Variants in ZNF804B observed in about 807,000 individuals in gnomAD.
The protein encoded by ZNF804B is zinc finger protein 804B, also known as zinc finger 804B.
ZNF804B carries 80 observed loss-of-function variants against 101.4 expected under a neutral mutation model. The ratio of observed to expected loss-of-function variants is 0.79; its 90% CI spans 0.66 to 0.95. ZNF804B has a LOEUF of 0.95. Ranked by LOEUF, ZNF804B falls within the 40% of genes least tolerant of loss-of-function variation. The probability of loss-of-function intolerance (pLI) is 0.00; values close to 1 mark genes in which losing one functional copy is unlikely to be tolerated. For missense variants in ZNF804B, 1,673 were observed against 1,561.9 expected (o/e 1.07, Z -1.20); for synonymous variants, 622 against 558.8 (o/e 1.11, Z -1.59).
intron 1 of ZNF804B, among the ~76,000 whole-genome samples, chr7:88,931,828 AAC>A (rs1792891272): frequency 6.6e-6 from 1 of 151,832 alleles, no homozygotes; most frequent in Non-Finnish European, 1.5e-5. Flanking sequence ...TTTTTTAAAA[AAC>A]TTCAAAACAC....
At chr7:88,946,335 C>T (rs1303812799) in intron 1 of ZNF804B, among the ~76,000 whole-genome samples, 1 of 151,814 alleles carries the variant, frequency 6.6e-6, no homozygotes, top group Non-Finnish European at 1.5e-5. Context: ...GCCTTTTCTG[C>T]ATCTATTTAG....
chr7:88,811,645 A>C (rs925243010), intron 1 of ZNF804B, among the ~76,000 whole-genome samples: 2 of 152,232 alleles, frequency 1.3e-5, no homozygotes, highest in Non-Finnish European at 2.9e-5. Flanking sequence ...TGCAGCTATA[A>C]AAAAGAATGA....
chr7:89,032,233 G>T (rs1273009409), intron 1 of ZNF804B, among the ~76,000 whole-genome samples: 2 of 138,176 alleles, frequency 1.4e-5, no homozygotes, highest in Admixed American at 7.2e-5. Context: ...GACCAGAAAT[G>T]GTTTCAAATT....
chr7:89,129,681 A>G (rs1483698978), intron 1 of ZNF804B, among the ~76,000 whole-genome samples: 1 of 151,992 alleles, frequency 6.6e-6, no homozygotes, highest in African/African-American at 2.4e-5. Flanking sequence ...ATTATTTACT[A>G]TTATTTCCAT....
chr7:89,096,188 G>A (rs1411986384), intron 1 of ZNF804B, among the ~76,000 whole-genome samples: 1 of 150,988 alleles, frequency 6.6e-6, no homozygotes, highest in East Asian at 1.9e-4. Flanking sequence ...CAGTACCTCA[G>A]CAGATGAGAA....
chr7:89,268,744 A>G (rs1374569184), intron 2 of ZNF804B, among the ~76,000 whole-genome samples: 1 of 152,028 alleles, frequency 6.6e-6, no homozygotes, highest in Non-Finnish European at 1.5e-5. Flanking sequence ...GGGGCAAGAG[A>G]TTCACTTCAC....
At chr7:88,794,849 G>T (rs376516144) in intron 1 of ZNF804B, 4 of 1,613,384 alleles carry the variant, frequency 2.5e-6, no homozygotes, top group Non-Finnish European at 3.4e-6. Context: ...TCTTGAAAGT[G>T]CAGGTAATTG....
intron 1 of ZNF804B, among the ~76,000 whole-genome samples, chr7:88,954,219 T>C (rs1793268027): frequency 6.6e-6 from 1 of 151,784 alleles, no homozygotes; most frequent in Non-Finnish European, 1.5e-5. Flanking sequence ...TGAATAAAGA[T>C]TGACTTTTTT....
intron 1 of ZNF804B, among the ~76,000 whole-genome samples, chr7:88,892,931 T>C (rs191137139): frequency 1.3e-5 from 2 of 152,314 alleles, no homozygotes; most frequent in African/African-American, 4.8e-5. Context: ...TCAGAAGTTC[T>C]TAGAGGAAAC....
At chr7:89,254,298 T>C (rs7794084) in intron 2 of ZNF804B, among the ~76,000 whole-genome samples, 18,517 of 151,880 alleles carry the variant, frequency 0.12, 1,212 homozygotes, top group Middle Eastern at 0.25. Flanking sequence ...AACCGCATTT[T>C]TAGATAACAG....
At chr7:88,786,791 T>C (rs1049229037) in intron 1 of ZNF804B, among the ~76,000 whole-genome samples, 1 of 152,174 alleles carries the variant, frequency 6.6e-6, no homozygotes, top group Non-Finnish European at 1.5e-5. Context: ...ATGGCCTGTT[T>C]ATGAGATTGC....
chr7:89,022,523 T>C (rs1788682995), intron 1 of ZNF804B, among the ~76,000 whole-genome samples: 1 of 152,196 alleles, frequency 6.6e-6, no homozygotes, highest in Admixed American at 6.6e-5. Flanking sequence ...AAATTGTTTA[T>C]GAAAATGTGA....
chr7:89,147,928 A>G (rs1291264358), intron 1 of ZNF804B, among the ~76,000 whole-genome samples: 1 of 151,936 alleles, frequency 6.6e-6, no homozygotes, highest in African/African-American at 2.4e-5. Flanking sequence ...ATTTCATTAT[A>G]TATTACAATG....
chr7:88,844,961 G>A (rs894402391), intron 1 of ZNF804B, among the ~76,000 whole-genome samples: 2 of 152,260 alleles, frequency 1.3e-5, no homozygotes, highest in African/African-American at 4.8e-5. Context: ...CGAGCTGGAA[G>A]TTCTCTCATT....
intron 2 of ZNF804B, among the ~76,000 whole-genome samples, chr7:89,225,051 C>G (rs1253030892): frequency 1.3e-5 from 2 of 152,048 alleles, no homozygotes; most frequent in African/African-American, 4.8e-5. Context: ...GAAAATTCTT[C>G]TATCTGACCT....
chr7:89,250,996 C>T (rs1393140113), intron 2 of ZNF804B, among the ~76,000 whole-genome samples: 2 of 152,098 alleles, frequency 1.3e-5, no homozygotes, highest in Non-Finnish European at 2.9e-5. Flanking sequence ...AGTGAATGGG[C>T]AAAAACTAGA....
intron 1 of ZNF804B, among the ~76,000 whole-genome samples, chr7:89,201,998 C>G (rs1275827778): frequency 6.6e-6 from 1 of 151,918 alleles, no homozygotes; most frequent in Admixed American, 6.6e-5. Flanking sequence ...GATTTTGTAC[C>G]CTTTATGTTG....
chr7:89,096,164 A>G (rs1180796138), intron 1 of ZNF804B, among the ~76,000 whole-genome samples: 1 of 152,088 alleles, frequency 6.6e-6, no homozygotes, highest in East Asian at 1.9e-4. Context: ...AAAAAAAAAA[A>G]AAAAAAAGAA....
At chr7:89,176,965 G>A (rs1466450749) in intron 1 of ZNF804B, among the ~76,000 whole-genome samples, 2 of 151,942 alleles carry the variant, frequency 1.3e-5, no homozygotes, top group Non-Finnish European at 2.9e-5. Flanking sequence ...TTGAATTTCT[G>A]TGGCATTAGT....
Sources: gnomAD v4.1 joint callset for allele counts (sites outside exome capture counted in the v4.1 genomes callset) on GRCh38, gnomAD v4.1.1 for gene constraint, MANE v1.5 for transcripts, NCBI Gene and HGNC (gene_info 2026-07-23, HGNC 2026-07-21) for gene names.